CPQ: variants seen among roughly 807,000 people sequenced by gnomAD.
CPQ encodes Ser-Met dipeptidase.
In CPQ, 37 loss-of-function variants were observed where a neutral mutation model predicts 45.7. The ratio of observed to expected loss-of-function variants is 0.81; its 90% confidence interval spans 0.62 to 1.07. CPQ has a LOEUF of 1.07. CPQ is among the 50% of genes least tolerant of loss of function. The pLI is 0.00. For missense variants in CPQ, 537 were observed against 572.9 expected, an observed-to-expected ratio of 0.94 and a Z score of 0.64; for synonymous variants, 186 against 205.8, an observed-to-expected ratio of 0.90 and a Z score of 0.82.
chr8:96,759,580 A>G (rs1055533415), intron 1 of CPQ, among the ~76,000 whole-genome samples: 1 of 152,152 alleles, frequency 6.6e-6, no homozygotes, highest in African/African-American at 2.4e-5. Context: ...TGTATCTCTC[A>G]CAGAGTGCTT....
intron 4 of CPQ, among the ~76,000 whole-genome samples, chr8:96,960,455 A>G (rs2130353674): frequency 6.6e-6 from 1 of 152,276 alleles, no homozygotes; most frequent in Non-Finnish European, 1.5e-5. Context: ...TTGACTTCCA[A>G]AGGTAGGTTT....
chr8:96,817,140 A>C (rs1170435060), intron 2 of CPQ, among the ~76,000 whole-genome samples: 1 of 152,180 alleles, frequency 6.6e-6, no homozygotes, highest in Admixed American at 6.5e-5. Flanking sequence ...TGTTTTGTCT[A>C]CATTGAAAAT....
intron 1 of CPQ, among the ~76,000 whole-genome samples, chr8:96,678,120 T>A (rs1809099541): frequency 6.6e-6 from 1 of 152,136 alleles, no homozygotes; most frequent in Non-Finnish European, 1.5e-5. Context: ...CTTCCAGATT[T>A]GTTCTTTTTG....
intron 4 of CPQ, among the ~76,000 whole-genome samples, chr8:96,952,160 AT>A (rs1284398347): frequency 1.3e-5 from 2 of 152,126 alleles, no homozygotes; most frequent in Non-Finnish European, 2.9e-5. Flanking sequence ...GCATACTCAA[AT>A]AAAAGGTCAT....
intron 1 of CPQ, among the ~76,000 whole-genome samples, chr8:96,738,442 T>G (rs1485682199): frequency 6.6e-6 from 1 of 151,590 alleles, no homozygotes; most frequent in Non-Finnish European, 1.5e-5. Flanking sequence ...TTTTTATTTT[T>G]TATTTTTTTA....
intron 4 of CPQ, among the ~76,000 whole-genome samples, chr8:96,912,793 C>T (rs552184808): frequency 1.9e-4 from 29 of 152,278 alleles, no homozygotes; most frequent in African/African-American, 5.5e-4. Flanking sequence ...AAATCTCCCT[C>T]GGCTACATAG....
intron 2 of CPQ, among the ~76,000 whole-genome samples, chr8:96,793,105 A>G (rs541845111): frequency 6.6e-5 from 10 of 152,158 alleles, no homozygotes; most frequent in African/African-American, 2.4e-4. Flanking sequence ...AGCCATATAC[A>G]TAATGAATGA....
At chr8:96,815,611 G>C (rs1482752097) in intron 2 of CPQ, among the ~76,000 whole-genome samples, 1 of 152,102 alleles carries the variant, frequency 6.6e-6, no homozygotes. Context: ...CACAGTTTTA[G>C]CACTGTTCAC....
intron 5 of CPQ, among the ~76,000 whole-genome samples, chr8:97,017,546 A>G (rs1480876044): frequency 1.3e-5 from 2 of 151,670 alleles, no homozygotes; most frequent in African/African-American, 4.8e-5. Flanking sequence ...CCACCTGGAA[A>G]CAGACTTGGT....
chr8:96,791,781 G>C (rs907267905), intron 2 of CPQ, among the ~76,000 whole-genome samples: 1 of 152,122 alleles, frequency 6.6e-6, no homozygotes, highest in African/African-American at 2.4e-5. Context: ...CAGGAAACCT[G>C]TCTTCTCACT....
intron 1 of CPQ, among the ~76,000 whole-genome samples, chr8:96,776,591 A>C (rs953177222): frequency 2.0e-5 from 3 of 152,174 alleles, no homozygotes; most frequent in Non-Finnish European, 4.4e-5. Context: ...AATATTTAGA[A>C]ACAGAATCAA....
At chr8:96,730,673 A>C (rs1041284075) in intron 1 of CPQ, among the ~76,000 whole-genome samples, 2 of 151,738 alleles carry the variant, frequency 1.3e-5, no homozygotes, top group Non-Finnish European at 2.9e-5. Flanking sequence ...AGGGGTTCTG[A>C]AACTTGAACT....
intron 1 of CPQ, among the ~76,000 whole-genome samples, chr8:96,764,998 C>A (rs1263119920): frequency 6.6e-6 from 1 of 152,194 alleles, no homozygotes; most frequent in Non-Finnish European, 1.5e-5. Context: ...GCCTTTGCAC[C>A]TGCCTTTGTT....
At chr8:96,649,664 G>A (rs1005599850) in intron 1 of CPQ, among the ~76,000 whole-genome samples, 1 of 152,148 alleles carries the variant, frequency 6.6e-6, no homozygotes, top group African/African-American at 2.4e-5. Flanking sequence ...GGAACATCTG[G>A]GTGGAGATCC....
intron 5 of CPQ, among the ~76,000 whole-genome samples, chr8:97,013,119 C>A (rs369044564): frequency 1.3e-5 from 2 of 151,944 alleles, no homozygotes; most frequent in Non-Finnish European, 2.9e-5. Flanking sequence ...TATTTCCAGG[C>A]TTTACTCTCC....
chr8:97,087,836 T>TA (rs1811066060), intron 7 of CPQ, among the ~76,000 whole-genome samples: 2 of 152,344 alleles, frequency 1.3e-5, no homozygotes, highest in South Asian at 4.1e-4. Context: ...TACCTAGTTT[T>TA]AAAATGCCTA....
intron 1 of CPQ, among the ~76,000 whole-genome samples, chr8:96,687,533 T>G (rs1427634321): frequency 6.6e-6 from 1 of 152,144 alleles, no homozygotes; most frequent in Non-Finnish European, 1.5e-5. Flanking sequence ...TAATTCATTA[T>G]TTCACTTTTT....
intron 1 of CPQ, among the ~76,000 whole-genome samples, chr8:96,762,685 C>T (rs1035238087): frequency 2.0e-5 from 3 of 151,988 alleles, no homozygotes; most frequent in Admixed American, 1.3e-4. Flanking sequence ...GATTGTTTTA[C>T]GGGGGAGAAA....
intron 3 of CPQ, among the ~76,000 whole-genome samples, chr8:96,846,765 C>G (rs1281335159): frequency 6.6e-6 from 1 of 152,110 alleles, no homozygotes; most frequent in Non-Finnish European, 1.5e-5. Flanking sequence ...TAAAATTCAT[C>G]CATATTCAGA....
Sources: gnomAD v4.1 joint callset for allele counts (sites outside exome capture counted in the v4.1 genomes callset) on GRCh38, gnomAD v4.1.1 for gene constraint, MANE v1.5 for transcripts, NCBI Gene and HGNC (gene_info 2026-07-23, HGNC 2026-07-21) for gene names.